ADSS2: variants seen among roughly 807,000 people sequenced by gnomAD.
ADSS2 encodes adenylosuccinate synthetase isozyme 2.
In ADSS2, 30 loss-of-function variants were observed where a neutral mutation model predicts 60.0. The observed-to-expected ratio is 0.50, with a 90% CI of 0.37 to 0.68. The LOEUF is 0.68. Ranked by LOEUF, ADSS2 falls within the 30% of genes least tolerant of loss-of-function variation. The pLI is 0.00. For missense variants in ADSS2, 373 were observed against 554.8 expected, an observed-to-expected ratio of 0.67 and a Z score of 3.29; for synonymous variants, 187 against 193.1, an observed-to-expected ratio of 0.97 and a Z score of 0.26.
intron 9 of ADSS2, among the ~76,000 whole-genome samples, chr1:244,418,230 C>T (rs891850455): frequency 6.6e-5 from 10 of 152,296 alleles, no homozygotes; most frequent in Non-Finnish European, 1.2e-4. Context: ...TACCGAAGTC[C>T]TTGATTTGCC....
In ADSS2 at chr1:244,421,049, GCCAGGGCCACGAGTTA is replaced by G. The variant is rs2147994189; in HGVS notation, c.664-769_664-754del. On this transcript the variant is annotated intron_variant, in intron 7 of 12. Transcript: ENST00000366535. ...TGTGGTGAGGGCCACGAGTTACACT[GCCAGGGCCACGAGTTA>G]CACTGCCAAGTATGCAACTATTAGT... 5.3e-4 allele frequency among the ~76,000 whole-genome samples: 3 copies of G among 5,648 alleles called. No homozygotes were observed. In the Admixed American group the frequency reaches 7.3e-3, roughly 14 times the overall value. 3.7% of individuals were successfully genotyped at this position (5,648 alleles called of 152,430 possible).
intron 11 of ADSS2, 82 bp downstream of exon 11, chr1:244,415,899 A>G (rs1664517866): frequency 9.5e-7 from 1 of 1,054,700 alleles, no homozygotes; most frequent in Admixed American, 2.4e-5. Flanking sequence ...TATCTATCAC[A>G]AATTATATGG....
In ADSS2 at chr1:244,418,707, AAAG is replaced by A. The variant is rs1160674460; in HGVS notation, c.945+50_945+52del. 2.4e-5 allele frequency: 36 copies of A among 1,485,172 alleles called. No homozygotes were observed. In the South Asian group the frequency reaches 3.8e-4, roughly 16 times the overall value. The allele number at this position is 1,485,172 out of a possible 1,614,324, so 92.0% of individuals were successfully genotyped here. A position where few individuals can be genotyped will look rare whatever the true frequency, so the allele number is the denominator to read the frequency against. ...GGAGACAATAATTCATTAAGAAAAA[AAAG>A]AAGAATGAATTTTTAATACATTTTG... is the stretch of plus-strand genomic sequence containing the variant. On this transcript the variant is annotated intron_variant, in intron 9 of 12. Coordinates refer to ENST00000366535, the MANE Select transcript of ADSS2 (RefSeq NM_001126.5).
At chr1:244,411,983 C>T (rs1175631982) in intron 11 of ADSS2, among the ~76,000 whole-genome samples, 1 of 152,174 alleles carries the variant, frequency 6.6e-6, no homozygotes, top group Non-Finnish European at 1.5e-5. Flanking sequence ...CTATGGTACT[C>T]TGCCCAGATT....
intron 3 of ADSS2, among the ~76,000 whole-genome samples, chr1:244,436,378 C>G (rs1665101296): frequency 6.6e-6 from 1 of 152,132 alleles, no homozygotes. Flanking sequence ...TGTATAAAAG[C>G]AGCATTTACT....
At chr1:244,442,977 C>G (rs1338226395) in intron 1 of ADSS2, among the ~76,000 whole-genome samples, 6 of 152,146 alleles carry the variant, frequency 3.9e-5, no homozygotes, top group Admixed American at 1.3e-4. Context: ...CGAGCACCCC[C>G]TCAGTCTCCC....
intron 12 of ADSS2, 56 bp from the exon 13 acceptor site, chr1:244,409,694 G>A (rs534110411): frequency 3.1e-5 from 43 of 1,408,718 alleles, no homozygotes; most frequent in Non-Finnish European, 3.6e-5. Flanking sequence ...ATGTTCACTC[G>A]TTGGGATTAA....
intron 10 of ADSS2, among the ~76,000 whole-genome samples, chr1:244,417,194 A>T (rs1162006344): frequency 6.6e-6 from 1 of 152,192 alleles, no homozygotes; most frequent in Non-Finnish European, 1.5e-5. Flanking sequence ...GATAAAACAG[A>T]GGCAGAGGAT....
chr1:244,434,798 A>G (rs1177473100), intron 3 of ADSS2, among the ~76,000 whole-genome samples: 1 of 152,172 alleles, frequency 6.6e-6, no homozygotes, highest in Non-Finnish European at 1.5e-5. Context: ...GTAAAAACGC[A>G]GAAAGGAGAA....
At chr1:244,415,086 T>C (rs1445284198) in intron 11 of ADSS2, among the ~76,000 whole-genome samples, 1 of 152,222 alleles carries the variant, frequency 6.6e-6, no homozygotes, top group Non-Finnish European at 1.5e-5. Flanking sequence ...ACAAGTTTTA[T>C]GTGTTTTGTT....
chr1:244,423,753 C>T (rs555900143), intron 6 of ADSS2, among the ~76,000 whole-genome samples, 200 bp downstream of exon 6: 9 of 152,070 alleles, frequency 5.9e-5, no homozygotes, highest in African/African-American at 1.2e-4. Context: ...ATTAAATCAC[C>T]GTCATGTTAT....
chr1:244,411,529 A>G, intron 11 of ADSS2, 93 bp from the exon 12 acceptor site: 1 of 1,291,560 alleles, frequency 7.7e-7, no homozygotes, highest in South Asian at 1.5e-5. Flanking sequence ...TCTTTTCAAA[A>G]TCTTTGGAGC....
At chr1:244,420,063 G>C (rs1664640330) in intron 8 of ADSS2, 107 bp downstream of exon 8, 2 of 1,196,028 alleles carry the variant, frequency 1.7e-6, no homozygotes, top group Non-Finnish European at 2.3e-6. Flanking sequence ...GAATATACAA[G>C]CTAAAAACAT....
chr1:244,429,234 C>T (rs1317039799), intron 4 of ADSS2, among the ~76,000 whole-genome samples: 2 of 152,182 alleles, frequency 1.3e-5, no homozygotes, highest in Non-Finnish European at 2.9e-5. Flanking sequence ...GATTTCGATC[C>T]AGATCCCTCC....
intron 5 of ADSS2, 79 bp downstream of exon 5, chr1:244,424,242 T>TA: frequency 2.8e-6 from 4 of 1,420,612 alleles, no homozygotes; most frequent in Non-Finnish European, 3.9e-6. Flanking sequence ...TTATTTTTCT[T>TA]AAACTTCTGG....
chr1:244,423,407 A>G (rs1664719647), intron 6 of ADSS2, among the ~76,000 whole-genome samples: 1 of 152,210 alleles, frequency 6.6e-6, no homozygotes, highest in Non-Finnish European at 1.5e-5. Context: ...ACTTGTTATT[A>G]TACACAACCA....
chr1:244,416,573 CG>C (rs1558269173), intron 10 of ADSS2, among the ~76,000 whole-genome samples: 1 of 152,130 alleles, frequency 6.6e-6, no homozygotes, highest in African/African-American at 2.4e-5. Flanking sequence ...TCCTGCCTCT[CG>C]GCCTCCCAAA....
chr1:244,437,330 A>G (rs549599935), intron 2 of ADSS2, among the ~76,000 whole-genome samples: 2 of 152,300 alleles, frequency 1.3e-5, no homozygotes, highest in Non-Finnish European at 2.9e-5. Flanking sequence ...TGAACCTCTC[A>G]TATTTCTTAC....
At chr1:244,427,165 C>T (rs1664826167) in intron 4 of ADSS2, among the ~76,000 whole-genome samples, 1 of 152,068 alleles carries the variant, frequency 6.6e-6, no homozygotes, top group African/African-American at 2.4e-5. Flanking sequence ...AAGGTTAATG[C>T]AATAGGTCCT....
Sources: gnomAD v4.1 joint callset for allele counts (sites outside exome capture counted in the v4.1 genomes callset) on GRCh38, gnomAD v4.1.1 for gene constraint, MANE v1.5 for transcripts, NCBI Gene and HGNC (gene_info 2026-07-23, HGNC 2026-07-21) for gene names.